CREB3L1: variants seen among roughly 807,000 people sequenced by gnomAD.
The protein encoded by CREB3L1 is cAMP responsive element binding protein 3 like 1, also known as cyclic AMP-responsive element-binding protein 3-like protein 1.
CREB3L1 carries 33 observed loss-of-function variants against 54.5 expected under a neutral mutation model. The observed-to-expected ratio is 0.61, with a 90% CI of 0.46 to 0.81. The LOEUF (loss-of-function observed/expected upper bound fraction) is 0.81. CREB3L1 is among the 30% of genes least tolerant of loss of function. The pLI, the probability that CREB3L1 is intolerant of heterozygous loss-of-function variation, is 0.00. For synonymous variants in CREB3L1, 284 were observed against 286.4 expected (o/e 0.99, Z 0.08); for missense variants, 656 against 673.3 (o/e 0.97, Z 0.29).
chr11:46,291,329 C>T (rs1282703686), intron 1 of CREB3L1, among the ~76,000 whole-genome samples: 1 of 152,204 alleles, frequency 6.6e-6, no homozygotes, highest in African/African-American at 2.4e-5. Flanking sequence ...TCCTATATGT[C>T]CTGCATTATA....
At chr11:46,303,715 G>A (rs1939334947) in intron 2 of CREB3L1, among the ~76,000 whole-genome samples, 1 of 150,372 alleles carries the variant, frequency 6.7e-6, no homozygotes, top group African/African-American at 2.5e-5. Flanking sequence ...GAATACTATG[G>A]GTGGGCCAGG....
intron 10 of CREB3L1, 59 bp downstream of exon 10, chr11:46,317,546 G>A: frequency 6.3e-7 from 1 of 1,591,868 alleles, no homozygotes; most frequent in Non-Finnish European, 8.5e-7. Context: ...CCCAGCCCCA[G>A]TGTCCAGGCA....
chr11:46,285,835 A>G (rs929935327), intron 1 of CREB3L1, among the ~76,000 whole-genome samples: 160 of 152,348 alleles, frequency 1.1e-3, no homozygotes, highest in African/African-American at 3.4e-3. Context: ...TTCCAAAAGA[A>G]TAACAAAAAT....
At chr11:46,315,326 G>T (rs1425911050) in intron 8 of CREB3L1, 3 of 216,214 alleles carry the variant, frequency 1.4e-5, no homozygotes, top group Admixed American at 5.8e-5. Context: ...GCTGTACATT[G>T]TGGGAACTGC....
chr11:46,304,691 TG>T (rs57949534), intron 2 of CREB3L1, among the ~76,000 whole-genome samples: 54,381 of 142,796 alleles, frequency 0.38, 11,525 homozygotes, highest in African/African-American at 0.6. Context: ...ATTAATTTTT[TG>T]GGGGGGGCGG....
intron 10 of CREB3L1, among the ~76,000 whole-genome samples, chr11:46,319,244 A>G (rs965279650): frequency 1.3e-5 from 2 of 152,192 alleles, no homozygotes; most frequent in Admixed American, 1.3e-4. Flanking sequence ...CGCACTGCGC[A>G]GTTCCAGGGA....
chr11:46,300,019 G>C lies in CREB3L1; in HGVS notation c.187G>C (p.Val63Leu). The change falls in exon 2 of 12, where the codon GTG (valine) becomes CTG (leucine). Residue 63 changes from valine to leucine, a missense_variant. Around this residue, in one of 3 missense-constraint regions of CREB3L1, gnomAD observed 339 missense variants for 331.5 expected, o/e 1.02. Coordinates refer to ENST00000621158, the MANE Select transcript of CREB3L1 (RefSeq NM_052854.4). ...DLFSSFFDDP[V>L]LDEKSPLLDM... Reference sequence around the variant, plus strand: ...GTTCAGCAGCTTCTTTGATGACCCTGTGCTGGATGAGAAGAGCCCTCTATT... The same window carrying C: ...GTTCAGCAGCTTCTTTGATGACCCTCTGCTGGATGAGAAGAGCCCTCTATT... 1.9e-6 allele frequency: 3 copies of C among 1,613,944 alleles called. No homozygotes were observed. Among genetic ancestry groups the C allele is most frequent in the Non-Finnish European group, 8.5e-7 (1 of 1,179,870 alleles).
chr11:46,310,056 A>G lies in CREB3L1; in HGVS notation c.584A>G (p.Lys195Arg). The G allele has an allele frequency of 1.3e-6, 2 of 1,594,988 alleles. No homozygotes were observed. The highest frequency in any genetic ancestry group is 1.7e-6 in the Non-Finnish European group (2 of 1,170,888). The change falls in exon 4 of 12, where the codon AAA (lysine) becomes AGA (arginine). Residue 195 changes from lysine to arginine, a missense_variant. Coordinates refer to ENST00000621158, the MANE Select transcript of CREB3L1 (RefSeq NM_052854.4). Reference sequence around the variant, plus strand: ...CCTCTGGAGGTGAACCAGTTCCTCAAAGTGACACCGGGTAGGTGTGTCCAG... The same window carrying G: ...CCTCTGGAGGTGAACCAGTTCCTCAGAGTGACACCGGGTAGGTGTGTCCAG... Reference protein sequence around the residue: ...AEPLEVNQFLKVTPEDLVQMP... With the variant: ...AEPLEVNQFLRVTPEDLVQMP...
At chr11:46,300,709 A>T (rs141051981) in intron 2 of CREB3L1, among the ~76,000 whole-genome samples, 2 of 148,514 alleles carry the variant, frequency 1.3e-5, no homozygotes, top group African/African-American at 2.5e-5. Context: ...CGTCTCTACT[A>T]AAAAAAAAAT....
At chr11:46,281,738 G>A (rs1214521929) in intron 1 of CREB3L1, among the ~76,000 whole-genome samples, 1 of 152,198 alleles carries the variant, frequency 6.6e-6, no homozygotes, top group Non-Finnish European at 1.5e-5. Context: ...GGAGATTTAG[G>A]GAGATTAGAG....
intron 8 of CREB3L1, among the ~76,000 whole-genome samples, chr11:46,313,464 A>T (rs1047472167): frequency 1.3e-5 from 2 of 152,130 alleles, no homozygotes; most frequent in African/African-American, 2.4e-5. Flanking sequence ...AGGGGGGTGG[A>T]TCATTTGAGG....
chr11:46,307,944 G>A lies in CREB3L1; in HGVS notation c.460G>A (p.Ala154Thr). The A allele has an allele frequency of 1.3e-6, 2 of 1,563,598 alleles. No individual in the cohort carries two copies. Among genetic ancestry groups the A allele is most frequent in the Non-Finnish European group, 1.7e-6 (2 of 1,156,474 alleles). Residue 154 changes from alanine (A) to threonine (T), a missense_variant, in exon 3 of 12, where the codon GCC becomes ACC. By Grantham distance (58) the Ala-to-Thr change is moderately conservative. Transcript: ENST00000621158. ...GGCCATGGCTGCCGCGGCCGCCATG[G>A]CCACCACCCCGCTGCTGGGCCTCAG... Reference protein sequence around the residue: ...PSAMAAAAAMATTPLLGLSPL... With the variant: ...PSAMAAAAAMTTTPLLGLSPL...
In CREB3L1 at chr11:46,312,633, C is replaced by T. The variant is rs748283344; in HGVS notation, c.925C>T (p.Arg309Cys). Residue 309 changes from arginine to cysteine, a missense_variant, in exon 7 of 12, where the codon CGT becomes TGT. Transcript: ENST00000621158. Reference sequence around the variant, plus strand: ...CTAGATCTCAGCCCAGGAGAGCCGTCGTAAGAAGAAGGAGTATGTGGAGTG... The same window carrying T: ...CTAGATCTCAGCCCAGGAGAGCCGTTGTAAGAAGAAGGAGTATGTGGAGTG... Reference protein sequence around the residue: ...KNKISAQESRRKKKEYVECLE... With the variant: ...KNKISAQESRCKKKEYVECLE... The T allele has an allele frequency of 6.2e-7, 1 of 1,611,706 alleles. No individual in the cohort carries two copies. The highest frequency in any genetic ancestry group is 8.5e-7 in the Non-Finnish European group (1 of 1,178,858).
At position 46,318,333 on chromosome 11, in the gene CREB3L1, A is replaced by G. The variant is rs189002300; in HGVS notation, c.1258+846A>G. Among the ~76,000 whole-genome samples, 228 of 152,328 alleles carry G rather than the reference A, an allele frequency of 1.5e-3. 3 individuals are homozygous for G. The highest frequency in any genetic ancestry group is 2.2e-3 in the Non-Finnish European group (153 of 68,022). On this transcript the variant is annotated intron_variant, in intron 10 of 11. Transcript: ENST00000621158. ...GGGTAGCGGTGGTGTGGGTTCAGAT[A>G]TCTACTGTTTCCAAGGGGGATAGTA...
rs1221733000 is a variant in CREB3L1 at position 46,316,357 on chromosome 11, C to T, written c.1103C>T (p.Ala368Val). ...TNKISRPYKM[A>V]ATQTGTCLMV... ...AAGATCTCCAGACCTTACAAGATGG[C>T]CGCCACCCAGACTGGGACCTGCCTC... The change falls in exon 9 of 12, where the codon GCC (alanine) becomes GTC (valine). Residue 368 changes from alanine to valine, a missense_variant. Physicochemically the swap from Ala to Val is moderately conservative, Grantham distance 64 (BLOSUM62 0). Transcript: ENST00000621158. 1.3e-6 allele frequency: 2 copies of T among 1,571,586 alleles called. No homozygotes were observed. Among genetic ancestry groups the T allele is most frequent in the Non-Finnish European group, 1.7e-6 (2 of 1,158,454 alleles).
chr11:46,298,624 G>A (rs189691095), intron 1 of CREB3L1, among the ~76,000 whole-genome samples: 3 of 152,280 alleles, frequency 2.0e-5, no homozygotes, highest in Admixed American at 6.5e-5. Context: ...ACTTGAACCC[G>A]GGAGATGGAG....
At chr11:46,296,677 A>C (rs1408090403) in intron 1 of CREB3L1, among the ~76,000 whole-genome samples, 3 of 152,062 alleles carry the variant, frequency 2.0e-5, no homozygotes, top group African/African-American at 7.2e-5. Flanking sequence ...GGACGCGCCC[A>C]CCGTCCACCC....
rs1462187679 is a variant in CREB3L1, at chr11:46,296,000, T to A, written c.103-3935T>A. The stretch of plus-strand genomic sequence containing the variant: ...TAACGAGGAGGGAAACAAATCATAA[T>A]ATGTCCTTCTCCGGCTTCCCACCCC... On this transcript the variant is annotated intron_variant, in intron 1 of 11. Coordinates refer to ENST00000621158, the MANE Select transcript of CREB3L1 (RefSeq NM_052854.4). This position sits in a 1 kb window ranked among gnomAD's most constrained non-coding sequence, Gnocchi z 4.6. Among the ~76,000 whole-genome samples the A allele has an allele frequency of 6.6e-6, 1 of 152,128 alleles. No homozygotes were observed. Among genetic ancestry groups the A allele is most frequent in the Non-Finnish European group, 1.5e-5 (1 of 68,006 alleles).
intron 1 of CREB3L1, among the ~76,000 whole-genome samples, chr11:46,283,515 A>C: frequency 6.6e-6 from 1 of 152,152 alleles, no homozygotes; most frequent in East Asian, 1.9e-4. Flanking sequence ...TATTTCAAGG[A>C]CTTACTATAT....
Sources: gnomAD v4.1 joint callset for allele counts (sites outside exome capture counted in the v4.1 genomes callset) on GRCh38, gnomAD v4.1.1 for gene constraint, gnomAD v4.1.1 regional missense constraint, Gnocchi (gnomAD v3.1) non-coding constraint, MANE v1.5 for transcripts, NCBI Gene and HGNC (gene_info 2026-07-23, HGNC 2026-07-21) for gene names.